SPAG17: variants seen among roughly 807,000 people sequenced by gnomAD.
SPAG17 encodes the protein sperm-associated antigen 17.
Under a neutral mutation model 273.6 loss-of-function variants are expected in SPAG17, and 169 were observed. The observed-to-expected ratio is 0.62, with a 90% confidence interval of 0.55 to 0.70. The LOEUF (loss-of-function observed/expected upper bound fraction) is 0.70. SPAG17 is among the 30% of genes least tolerant of loss of function. The probability of loss-of-function intolerance (pLI) is 0.00; values close to 1 mark genes in which losing one functional copy is unlikely to be tolerated. For synonymous variants in SPAG17, 825 were observed against 873.2 expected, an observed-to-expected ratio of 0.94 and a Z score of 0.97; for missense variants, 2,557 against 2,627.8, an observed-to-expected ratio of 0.97 and a Z score of 0.59.
intron 20 of SPAG17, among the ~76,000 whole-genome samples, chr1:118,053,740 A>T (rs1483553097): frequency 2.0e-5 from 3 of 152,110 alleles, no homozygotes; most frequent in African/African-American, 7.2e-5. Flanking sequence ...CCCTGAAACC[A>T]TAATGGGAAA....
chr1:117,957,396 TCTTG>T (rs1178589419), intron 48 of SPAG17, among the ~76,000 whole-genome samples: 2 of 152,080 alleles, frequency 1.3e-5, no homozygotes, highest in African/African-American at 4.8e-5. Context: ...AAGCAATCAG[TCTTG>T]CCTTTAAAAC....
At chr1:118,182,794 G>A (rs1037335344) in intron 1 of SPAG17, among the ~76,000 whole-genome samples, 3 of 152,184 alleles carry the variant, frequency 2.0e-5, no homozygotes, top group Admixed American at 1.3e-4. Flanking sequence ...GAGCCCAGGT[G>A]AAGGCAAATA....
At chr1:117,987,124 G>T (rs1355271044) in intron 40 of SPAG17, among the ~76,000 whole-genome samples, 1 of 152,092 alleles carries the variant, frequency 6.6e-6, no homozygotes, top group East Asian at 1.9e-4. Context: ...CTCAGGTTTA[G>T]CCATTTATTT....
chr1:118,163,855 C>T (rs112191056), intron 1 of SPAG17, among the ~76,000 whole-genome samples: 2 of 152,202 alleles, frequency 1.3e-5, no homozygotes, highest in African/African-American at 4.8e-5. Context: ...GCACCACCAC[C>T]ATACACCCTA....
intron 19 of SPAG17, among the ~76,000 whole-genome samples, chr1:118,054,938 T>G (rs768986842): frequency 1.3e-5 from 2 of 152,248 alleles, no homozygotes; most frequent in Middle Eastern, 6.8e-3. Flanking sequence ...TAGCGTTGCT[T>G]CTTTATGAGA....
At chr1:118,102,481 G>A (rs138486790) in intron 4 of SPAG17, among the ~76,000 whole-genome samples, 13 of 152,270 alleles carry the variant, frequency 8.5e-5, no homozygotes, top group Middle Eastern at 3.4e-3. Context: ...GGGGAACTTA[G>A]CATTAACTAA....
At position 117,970,085 on chromosome 1, in the gene SPAG17, C is replaced by T. The variant is rs750573158; in HGVS notation, c.6358G>A (p.Gly2120Arg). 220 of 1,613,232 alleles carry T rather than the reference C, an allele frequency of 1.4e-4. No individual in the cohort carries two copies. Among genetic ancestry groups the T allele is most frequent in the Non-Finnish European group, 1.8e-4 (217 of 1,179,734 alleles). The change falls in exon 46 of 49, where the codon GGA (glycine) becomes AGA (arginine). Residue 2120 changes from glycine (G) to arginine (R), a missense_variant. By Grantham distance (125) the Gly-to-Arg change is moderately radical (BLOSUM62 -2). Coordinates refer to ENST00000336338, the MANE Select transcript of SPAG17 (RefSeq NM_206996.4). ...FKVKQPPPST[G>R]LKVTYKPGPV... ...CCAGGTTTGTAAGTCACTTTCAGTC[C>T]TGTGCTGGGTGGGGGCTGCTTTACT...
At chr1:117,986,380 G>T (rs892826818) in intron 40 of SPAG17, among the ~76,000 whole-genome samples, 1 of 151,934 alleles carries the variant, frequency 6.6e-6, no homozygotes, top group African/African-American at 2.4e-5. Flanking sequence ...TCTGACATTT[G>T]CTGACCAGCT....
intron 1 of SPAG17, among the ~76,000 whole-genome samples, chr1:118,175,666 A>G (rs927865186): frequency 2.0e-5 from 3 of 152,110 alleles, no homozygotes; most frequent in Non-Finnish European, 2.9e-5. Context: ...TTTCCCCAAT[A>G]AACAAAAGCT....
At chr1:118,095,531 A>G (rs1298252621) in intron 7 of SPAG17, among the ~76,000 whole-genome samples, 1 of 152,232 alleles carries the variant, frequency 6.6e-6, no homozygotes, top group African/African-American at 2.4e-5. Context: ...GTATGTAGCC[A>G]GGCCTTGGCC....
At chr1:118,063,430 G>A (rs796933387) in intron 18 of SPAG17, among the ~76,000 whole-genome samples, 32 of 152,058 alleles carry the variant, frequency 2.1e-4, no homozygotes, top group South Asian at 4.2e-4. Context: ...AAATAATGCC[G>A]CCTATCTACA....
chr1:118,024,598 G>C (rs958738845), intron 27 of SPAG17, among the ~76,000 whole-genome samples: 2 of 151,964 alleles, frequency 1.3e-5, no homozygotes, highest in Non-Finnish European at 2.9e-5. Context: ...TGGTGGTGTA[G>C]TGTCTACTCA....
intron 13 of SPAG17, among the ~76,000 whole-genome samples, chr1:118,082,479 AAGG>A (rs1315808083): frequency 6.6e-6 from 1 of 152,240 alleles, no homozygotes; most frequent in Non-Finnish European, 1.5e-5. Context: ...GAAGAGAGAC[AAGG>A]AAGAGGTAAA....
At chr1:117,966,536 G>T (rs976471107) in intron 47 of SPAG17, 73 bp downstream of exon 47, 66 of 1,320,076 alleles carry the variant, frequency 5.0e-5, no homozygotes, top group Non-Finnish European at 6.5e-5. Flanking sequence ...GATGCATTTT[G>T]ACTTCCATGT....
chr1:117,964,071 G>T, intron 47 of SPAG17, 133 bp from the exon 48 acceptor site: 1 of 943,126 alleles, frequency 1.1e-6, no homozygotes, highest in Non-Finnish European at 1.6e-6. Context: ...TCTATCCAAT[G>T]CAAATTCTGC....
rs1240706695 is a variant in SPAG17, at chr1:118,028,187, T to G, written c.3730+87A>C. On this transcript the variant is annotated intron_variant, in intron 26 of 48. Transcript: ENST00000336338. Reference sequence around the variant, plus strand: ...TTGTTCATTATCAACAAGATGTATGTTTAACTGGCATGAAAATACACAATT... The same window carrying G: ...TTGTTCATTATCAACAAGATGTATGGTTAACTGGCATGAAAATACACAATT... 49 of 1,454,532 alleles carry G rather than the reference T, an allele frequency of 3.4e-5. 1 individual carries two copies. The highest frequency in any genetic ancestry group is 2.7e-5 in the South Asian group (2 of 75,422). 90.1% of individuals were successfully genotyped at this position (1,454,532 alleles called of 1,614,324 possible). A position where few individuals can be genotyped will look rare whatever the true frequency, so the allele number is the denominator to read the frequency against.
chr1:118,036,662 A>G (rs1226413089), intron 24 of SPAG17, 108 bp downstream of exon 24: 3 of 709,526 alleles, frequency 4.2e-6, no homozygotes, highest in Non-Finnish European at 4.8e-6. Flanking sequence ...AACAATGAGG[A>G]GCATTAAATC....
At chr1:118,175,575 A>C (rs1317143902) in intron 1 of SPAG17, among the ~76,000 whole-genome samples, 3 of 134,132 alleles carry the variant, frequency 2.2e-5, no homozygotes, top group South Asian at 2.4e-4. Context: ...TTCAAAGTAC[A>C]AAAAAAAAAA....
At position 118,081,440 on chromosome 1, in the gene SPAG17, A is replaced by G. The variant is rs1654563043; in HGVS notation, c.1965T>C (p.Asn655=). The part of the protein sequence containing the change: ...QIRQQYVMKM[N]TQEAKQKADI... The stretch of plus-strand genomic sequence containing the variant: ...CTGCTTTCTGCTTGGCCTCTTGAGT[A>G]TTCATTTTCATGACATATTGCTGCC... The change falls in exon 14 of 49, where the codon AAT becomes AAC. Residue 655 remains asparagine, a synonymous_variant. Transcript: ENST00000336338. 1.2e-6 allele frequency: 2 copies of G among 1,613,668 alleles called. No individual in the cohort carries two copies. The highest frequency in any genetic ancestry group is 1.7e-6 in the Non-Finnish European group (2 of 1,179,978).
Sources: allele counts gnomAD v4.1 joint callset (sites outside exome capture counted in the v4.1 genomes callset), GRCh38; gene constraint gnomAD v4.1.1; transcripts MANE v1.5; gene names NCBI Gene and HGNC (gene_info 2026-07-23, HGNC 2026-07-21).